DIP2A: variants seen among roughly 807,000 people sequenced by gnomAD.
DIP2A encodes the protein disco-interacting protein 2 homolog A.
A neutral mutation model predicts 177.4 loss-of-function variants in DIP2A; 85 were observed. That is an observed-to-expected ratio of 0.48 (90% CI 0.40 to 0.57). The LOEUF (loss-of-function observed/expected upper bound fraction) is 0.57. DIP2A is among the 20% of genes least tolerant of loss of function. The pLI, the probability that DIP2A is intolerant of heterozygous loss-of-function variation, is 0.00. For synonymous variants in DIP2A, 886 were observed against 881.8 expected, an observed-to-expected ratio of 1.00 and a Z score of -0.08; for missense variants, 1,791 against 2,100.2, an observed-to-expected ratio of 0.85 and a Z score of 2.88.
chr21:46,463,076 C>G lies in DIP2A; in HGVS notation c.91+3854C>G, dbSNP rs1299315984. ...GCCCTCTTGACTTAGGAGTCTGCTTCAGATTAAGATGAAGATGAAGAGTAG... is the reference window on the plus strand; with the variant it reads ...GCCCTCTTGACTTAGGAGTCTGCTTGAGATTAAGATGAAGATGAAGAGTAG... On this transcript the variant is annotated intron_variant, in intron 1 of 37. Coordinates refer to ENST00000417564, the MANE Select transcript of DIP2A (RefSeq NM_015151.4). The G allele has an allele frequency of 2.6e-5, 4 of 152,204 alleles. 1 individual carries two copies. The highest frequency in any genetic ancestry group is 5.9e-5 in the Non-Finnish European group (4 of 68,070). 9.4% of individuals were successfully genotyped at this position (152,204 alleles called of 1,614,324 possible).
At chr21:46,532,271 C>A in intron 10 of DIP2A, 34 bp downstream of exon 10, 1 of 1,559,694 alleles carries the variant, frequency 6.4e-7, no homozygotes, top group South Asian at 1.1e-5. Context: ...CCGTGTGGTT[C>A]GCTTCTGAAC....
intron 1 of DIP2A, among the ~76,000 whole-genome samples, chr21:46,481,660 C>T (rs1236192706): frequency 1.3e-5 from 2 of 152,122 alleles, no homozygotes; most frequent in African/African-American, 4.8e-5. Context: ...TTTGAATAGG[C>T]ATATAGTGGT....
intron 1 of DIP2A, among the ~76,000 whole-genome samples, chr21:46,481,226 C>T (rs950792166): frequency 2.8e-5 from 3 of 107,960 alleles, no homozygotes; most frequent in Non-Finnish European, 4.2e-5. Context: ...AGCATGTAAC[C>T]TTTCGAGAAT....
At position 46,490,690 on chromosome 21, in the gene DIP2A, C is replaced by T. The variant is rs1204033175; in HGVS notation, c.254C>T (p.Thr85Ile). 6.3e-7 allele frequency: 1 copy of T among 1,586,678 alleles called. No homozygotes were observed. The highest frequency in any genetic ancestry group is 8.6e-7 in the Non-Finnish European group (1 of 1,166,648). ...CCCAAGCAGCAGAAGTCTCGGCCCACCGCCTCGAGGGATGAGCGCTTCCGG... is the reference window on the plus strand; with the variant it reads ...CCCAAGCAGCAGAAGTCTCGGCCCATCGCCTCGAGGGATGAGCGCTTCCGG... ...AAPKQQKSRP[T>I]ASRDERFRSD... is the part of the protein sequence containing the mutation. The change falls in exon 3 of 38, where the codon ACC becomes ATC. Residue 85 changes from threonine (T) to isoleucine (I), a missense_variant. Physicochemically the swap from Thr to Ile is moderately conservative, Grantham distance 89 (BLOSUM62 -1). Transcript: ENST00000417564.
intron 1 of DIP2A, among the ~76,000 whole-genome samples, chr21:46,459,786 A>T (rs1437123591): frequency 6.6e-6 from 1 of 151,900 alleles, no homozygotes; most frequent in Non-Finnish European, 1.5e-5. Flanking sequence ...ACGCCTGCCA[A>T]ACTTCTGGAG....
intron 1 of DIP2A, 86 bp downstream of exon 1, chr21:46,459,308 C>T: frequency 8.3e-7 from 1 of 1,209,696 alleles, no homozygotes; most frequent in South Asian, 1.6e-5. Flanking sequence ...CCCCGCGCGG[C>T]CCCTCACTCC....
Position 46,484,775 on chromosome 21 carries a change from G to T in DIP2A, c.110G>T (p.Gly37Val). 1 of 1,578,602 alleles carries T rather than the reference G, an allele frequency of 6.3e-7. No homozygotes were observed. The change falls in exon 2 of 38, where the codon GGA becomes GTA. Residue 37 changes from glycine to valine, a missense_variant. Transcript: ENST00000417564. Reference sequence around the variant, plus strand: ...GTTTTAGGTGACATCACTCAAAAAGGATATGAAAAGAAAAGGGCAAAGCTG... The same window carrying T: ...GTTTTAGGTGACATCACTCAAAAAGTATATGAAAAGAAAAGGGCAAAGCTG... ...ELSEGDITQK[G>V]YEKKRAKLLA...
intron 1 of DIP2A, among the ~76,000 whole-genome samples, chr21:46,462,209 G>C (rs532676976): frequency 1.3e-5 from 2 of 152,192 alleles, no homozygotes; most frequent in Non-Finnish European, 2.9e-5. Context: ...ACAGTCACAC[G>C]TGGACCTGCT....
chr21:46,484,800 G>T lies in DIP2A; in HGVS notation c.135G>T (p.Leu45=). The T allele has an allele frequency of 6.3e-7, 1 of 1,585,728 alleles. No individual in the cohort carries two copies. Among genetic ancestry groups the T allele is most frequent in the Non-Finnish European group, 8.6e-7 (1 of 1,165,570 alleles). The part of the protein sequence containing the change: ...QKGYEKKRAK[L]LARYIPLIQG... The stretch of plus-strand genomic sequence containing the variant: ...GATATGAAAAGAAAAGGGCAAAGCT[G>T]CTTGCACGTTATATACCGCTTATTC... The change falls in exon 2 of 38, where the codon CTG becomes CTT. Residue 45 remains leucine, a synonymous_variant. Transcript: ENST00000417564.
At chr21:46,517,412 CATT>C (rs2058635635) in intron 8 of DIP2A, among the ~76,000 whole-genome samples, 1 of 152,022 alleles carries the variant, frequency 6.6e-6, no homozygotes, top group African/African-American at 2.4e-5. Context: ...TGTATAAAAA[CATT>C]ATGGCAGGTC....
At chr21:46,535,293 G>T (rs1033423048) in intron 13 of DIP2A, among the ~76,000 whole-genome samples, 4 of 149,548 alleles carry the variant, frequency 2.7e-5, no homozygotes, top group African/African-American at 9.9e-5. Context: ...AGTACTAATT[G>T]TATATATTTA....
chr21:46,562,944 C>T (rs895741713), intron 34 of DIP2A, among the ~76,000 whole-genome samples: 10 of 152,322 alleles, frequency 6.6e-5, no homozygotes, highest in Middle Eastern at 6.8e-3. Flanking sequence ...GGGGCCTCCA[C>T]GTCGCTCTTT....
intron 8 of DIP2A, among the ~76,000 whole-genome samples, chr21:46,527,325 G>GTTTTTTTT (rs58453285): frequency 4.7e-5 from 5 of 105,592 alleles, no homozygotes; most frequent in Admixed American, 1.2e-4. Context: ...TTGAGTTGAG[G>GTTTTTTTT]TTTTTTTTTT....
chr21:46,583,842 G>A, the DIP2A span, among the ~76,000 whole-genome samples: 1 of 152,178 alleles, frequency 6.6e-6, no homozygotes, highest in Admixed American at 6.5e-5. Flanking sequence ...CTCCAGAGCT[G>A]TGCTAAATAA....
intron 8 of DIP2A, among the ~76,000 whole-genome samples, chr21:46,520,565 T>C (rs983901529): frequency 6.6e-6 from 1 of 152,360 alleles, no homozygotes; most frequent in East Asian, 1.9e-4. Context: ...TAGAGTTCTC[T>C]AGTTGATTAT....
chr21:46,485,160 A>G (rs377359895), intron 2 of DIP2A, among the ~76,000 whole-genome samples: 1 of 152,320 alleles, frequency 6.6e-6, no homozygotes, highest in Non-Finnish European at 1.5e-5. Flanking sequence ...GGGCTAGAGC[A>G]TCTATTGTAA....
At chr21:46,511,339 A>G (rs757196948) in intron 7 of DIP2A, 78 bp from the exon 8 acceptor site, 16 of 1,402,732 alleles carry the variant, frequency 1.1e-5, no homozygotes, top group Non-Finnish European at 1.5e-5. Context: ...ACAATATTAT[A>G]AACTATGAAT....
intron 13 of DIP2A, among the ~76,000 whole-genome samples, chr21:46,536,523 G>C (rs1448151385): frequency 6.6e-6 from 1 of 152,236 alleles, no homozygotes; most frequent in African/African-American, 2.4e-5. Context: ...ATGTGGTGTA[G>C]AGTTGAGAAG....
At chr21:46,523,816 G>A (rs1365865183) in intron 8 of DIP2A, among the ~76,000 whole-genome samples, 4 of 152,158 alleles carry the variant, frequency 2.6e-5, no homozygotes, top group South Asian at 2.1e-4. Flanking sequence ...AAGTACCTCC[G>A]CGTGGTTACA....
Sources: allele counts gnomAD v4.1 joint callset (sites outside exome capture counted in the v4.1 genomes callset), GRCh38; gene constraint gnomAD v4.1.1; transcripts MANE v1.5; gene names NCBI Gene and HGNC (gene_info 2026-07-23, HGNC 2026-07-21).